C16orf78: variants seen among roughly 807,000 people sequenced by gnomAD.
C16orf78 encodes the protein chromosome 16 open reading frame 78.
In C16orf78, 19 loss-of-function variants were observed where a neutral mutation model predicts 27.3. The observed-to-expected ratio is 0.70, with a 90% CI of 0.49 to 1.02. C16orf78 has a LOEUF of 1.02. Ranked by LOEUF, C16orf78 falls within the 50% of genes least tolerant of loss-of-function variation. The probability of loss-of-function intolerance (pLI) is 0.00; values close to 1 mark genes in which losing one functional copy is unlikely to be tolerated. For synonymous variants in C16orf78, 130 were observed against 116.1 expected (o/e 1.12, Z -0.77); for missense variants, 339 against 337.0 (o/e 1.01, Z -0.05).
intron 4 of C16orf78, 47 bp downstream of exon 4, chr16:49,396,725 G>A: frequency 6.3e-7 from 1 of 1,581,570 alleles, no homozygotes; most frequent in South Asian, 1.2e-5. Context: ...TCCTGGAACA[G>A]GCTTTGCTCA....
intron 3 of C16orf78, among the ~76,000 whole-genome samples, chr16:49,379,897 A>T (rs919827948): frequency 6.6e-6 from 1 of 152,184 alleles, no homozygotes; most frequent in Non-Finnish European, 1.5e-5. Context: ...GCAGATTAAT[A>T]TTTGAGTCAG....
intron 1 of C16orf78, among the ~76,000 whole-genome samples, chr16:49,375,330 TA>T (rs532890254): frequency 1.0e-3 from 152 of 149,360 alleles, no homozygotes; most frequent in East Asian, 1.6e-3. Flanking sequence ...GTCATTTATT[TA>T]AAAAAAAAAT....
At position 49,373,860 on chromosome 16, in the gene C16orf78, C is replaced by A; in HGVS notation, c.-80C>A. On this transcript the variant is annotated 5_prime_UTR_variant, in exon 1 of 5. Coordinates refer to ENST00000299191, the MANE Select transcript of C16orf78 (RefSeq NM_144602.4). ...ACACCCTACCTTCTAAGTCACCAGG[C>A]CATCAAGTCCAGACAAAGGGATCGA... 6.5e-7 allele frequency: 1 copy of A among 1,546,048 alleles called. No individual in the cohort carries two copies. Among genetic ancestry groups the A allele is most frequent in the South Asian group, 1.2e-5 (1 of 82,638 alleles).
chr16:49,387,695 C>T (rs1242880969), intron 3 of C16orf78, among the ~76,000 whole-genome samples: 1 of 151,944 alleles, frequency 6.6e-6, no homozygotes, highest in African/African-American at 2.4e-5. Flanking sequence ...TTGTTGTTGT[C>T]GTTGTAGTTG....
intron 3 of C16orf78, among the ~76,000 whole-genome samples, chr16:49,382,215 G>A (rs1449000835): frequency 1.5e-4 from 23 of 152,030 alleles, no homozygotes; most frequent in Non-Finnish European, 2.4e-4. Flanking sequence ...ATTGAACAAC[G>A]AGATCACATG....
At position 49,399,154 on chromosome 16, in the gene C16orf78, A is replaced by T. The variant is rs1469663666; in HGVS notation, c.674A>T (p.Asn225Ile). 1 of 1,614,146 alleles carries T rather than the reference A, an allele frequency of 6.2e-7. No homozygotes were observed. Among genetic ancestry groups the T allele is most frequent in the South Asian group, 1.1e-5 (1 of 91,060 alleles). The stretch of plus-strand genomic sequence containing the variant: ...AGATACCTGAGGTTATCCAAGGAGA[A>T]CATTCGGACCTTGCTCAAGTTGTGC... ...SCRYLRLSKE[N>I]IRTLLKLCKD... The change falls in exon 5 of 5, where the codon AAC (asparagine) becomes ATC (isoleucine). Residue 225 changes from asparagine (N) to isoleucine (I), a missense_variant. By Grantham distance (149) the Asn-to-Ile change is moderately radical (BLOSUM62 -3). Coordinates refer to ENST00000299191, the MANE Select transcript of C16orf78 (RefSeq NM_144602.4).
chr16:49,391,610 T>A lies in C16orf78; in HGVS notation c.395-4813T>A, dbSNP rs1312969698. ...ACCTAATCCCTCTGATCCTCAATGTTCTCCTTTGTCAAATGGATATGATGT... is the reference window on the plus strand; with the variant it reads ...ACCTAATCCCTCTGATCCTCAATGTACTCCTTTGTCAAATGGATATGATGT... On this transcript the variant is annotated intron_variant, in intron 3 of 4. Coordinates refer to ENST00000299191, the MANE Select transcript of C16orf78 (RefSeq NM_144602.4). Among the ~76,000 whole-genome samples, 7 of 152,172 alleles carry A rather than the reference T, an allele frequency of 4.6e-5. No individual in the cohort carries two copies. The East Asian group carries it at 1.2e-3, about 25-fold the overall frequency.
chr16:49,389,708 C>T (rs1371384686), intron 3 of C16orf78, among the ~76,000 whole-genome samples: 1 of 152,120 alleles, frequency 6.6e-6, no homozygotes, highest in Non-Finnish European at 1.5e-5. Flanking sequence ...TCAGAGTATA[C>T]TTCCATTTCT....
intron 3 of C16orf78, among the ~76,000 whole-genome samples, chr16:49,390,358 G>T (rs1056803374): frequency 1.3e-5 from 2 of 152,070 alleles, no homozygotes; most frequent in African/African-American, 4.8e-5. Flanking sequence ...CAGGCACCCT[G>T]ATTACACATA....
intron 4 of C16orf78, among the ~76,000 whole-genome samples, 161 bp from the exon 5 acceptor site, chr16:49,398,970 C>A (rs1341308308): frequency 6.6e-6 from 1 of 152,186 alleles, no homozygotes; most frequent in East Asian, 1.9e-4. Context: ...GGGTGTCCCA[C>A]TGTCTTATAA....
chr16:49,382,876 T>G (rs1965304662), intron 3 of C16orf78, among the ~76,000 whole-genome samples: 1 of 152,230 alleles, frequency 6.6e-6, no homozygotes. Context: ...GAACCATGTT[T>G]CATTTGTCTG....
rs759124904 is a variant in C16orf78, at chr16:49,374,059, G to T, written c.120G>T (p.Arg40=). ...CCTGTGTGCTGGAGTGGCTGGAGCG[G>T]AGGCAGGGGAAGAAGAAACAAGCTC... ...DLTCVLEWLE[R]RQGKKKQAPE... is the part of the protein sequence containing the mutation. The change falls in exon 1 of 5, where the codon CGG becomes CGT. Residue 40 remains arginine (R), a synonymous_variant. Transcript: ENST00000299191. 3 of 1,614,208 alleles carry T rather than the reference G, an allele frequency of 1.9e-6. No individual in the cohort carries two copies. The highest frequency in any genetic ancestry group is 1.6e-4 in the Middle Eastern group (1 of 6,062).
chr16:49,381,051 T>G (rs917576061), intron 3 of C16orf78, among the ~76,000 whole-genome samples: 1 of 151,924 alleles, frequency 6.6e-6, no homozygotes, highest in Non-Finnish European at 1.5e-5. Context: ...TAGTATAGTT[T>G]GAAGTCAGGT....
At chr16:49,393,422 A>C (rs1316315180) in intron 3 of C16orf78, among the ~76,000 whole-genome samples, 1 of 152,220 alleles carries the variant, frequency 6.6e-6, no homozygotes, top group Non-Finnish European at 1.5e-5. Flanking sequence ...ACATTCAAAA[A>C]AGTAAAGATT....
intron 3 of C16orf78, 56 bp downstream of exon 3, chr16:49,378,649 C>G (rs1965251808): frequency 6.2e-7 from 1 of 1,604,428 alleles, no homozygotes; most frequent in Non-Finnish European, 8.5e-7. Flanking sequence ...ATCTCCTCCT[C>G]TAGAAGAAAC....
Position 49,373,846 on chromosome 16 carries a change from T to G in C16orf78, c.-94T>G. The G allele has an allele frequency of 2.7e-6, 4 of 1,499,904 alleles. No individual in the cohort carries two copies. The highest frequency in any genetic ancestry group is 3.6e-6 in the Non-Finnish European group (4 of 1,096,504). The allele number at this position is 1,499,904 out of a possible 1,614,324, so 92.9% of individuals were successfully genotyped here. On this transcript the variant is annotated 5_prime_UTR_variant, in exon 1 of 5. Coordinates refer to ENST00000299191, the MANE Select transcript of C16orf78 (RefSeq NM_144602.4). ...CACATCTGGAGGCCACACCCTACCT[T>G]CTAAGTCACCAGGCCATCAAGTCCA... is the stretch of plus-strand genomic sequence containing the variant.
At chr16:49,393,010 G>A (rs920159076) in intron 3 of C16orf78, among the ~76,000 whole-genome samples, 4 of 152,136 alleles carry the variant, frequency 2.6e-5, no homozygotes, top group Admixed American at 6.5e-5. Context: ...TTATTCTTGC[G>A]TGCTGCCATG....
At position 49,378,514 on chromosome 16, in the gene C16orf78, C is replaced by G. The variant is rs1965248038; in HGVS notation, c.315C>G (p.Ser105Arg). 1 of 1,609,926 alleles carries G rather than the reference C, an allele frequency of 6.2e-7. No homozygotes were observed. The stretch of plus-strand genomic sequence containing the variant: ...GGAAGGACGCCGCCTCCTACCGAAG[C>G]CTCTATGGAGTGGAGCAAAAGGGGA... ...RFRKDAASYR[S>R]LYGVEQKGKH... Residue 105 changes from serine (S) to arginine (R), a missense_variant, in exon 3 of 5, where the codon AGC becomes AGG. Coordinates refer to ENST00000299191, the MANE Select transcript of C16orf78 (RefSeq NM_144602.4).
At chr16:49,396,768 C>T in intron 4 of C16orf78, 90 bp downstream of exon 4, 16 of 1,479,938 alleles carry the variant, frequency 1.1e-5, no homozygotes, top group African/African-American at 2.8e-5. Flanking sequence ...CTTGGCTTAG[C>T]CTGAAGATCT....
Sources: gnomAD v4.1 joint callset for allele counts (sites outside exome capture counted in the v4.1 genomes callset) on GRCh38, gnomAD v4.1.1 for gene constraint, MANE v1.5 for transcripts, NCBI Gene and HGNC (gene_info 2026-07-23, HGNC 2026-07-21) for gene names.